CCSER2: variants seen among roughly 807,000 people sequenced by gnomAD.
CCSER2 encodes the protein coiled-coil serine rich protein 2.
A neutral mutation model predicts 92.3 loss-of-function variants in CCSER2; 46 were observed. That is an observed-to-expected ratio of 0.50 (90% CI 0.39 to 0.64). The LOEUF is 0.64. Ranked by LOEUF, CCSER2 falls within the 30% of genes least tolerant of loss-of-function variation. The pLI is 0.00. For synonymous variants in CCSER2, 433 were observed against 431.4 expected, an observed-to-expected ratio of 1.00 and a Z score of -0.04; for missense variants, 1,244 against 1,238.9, an observed-to-expected ratio of 1.00 and a Z score of -0.06.
At chr10:84,447,083 C>T (rs1317384226) in intron 6 of CCSER2, among the ~76,000 whole-genome samples, 1 of 151,008 alleles carries the variant, frequency 6.6e-6, no homozygotes, top group Non-Finnish European at 1.5e-5. Context: ...TTTCCCGGTA[C>T]AACCGTGAGA....
rs183930229 is a variant in CCSER2 at position 84,409,083 on chromosome 10, C to T, written c.1615-8688C>T. On this transcript the variant is annotated intron_variant, in intron 3 of 9. Coordinates refer to ENST00000372088, the MANE Select transcript of CCSER2 (RefSeq NM_001284240.2). ...TCGGCTCACTGCAACCTCCACCTCCCGGGTTCAAGAGATTCTCCTGCCTCA... is the reference window on the plus strand; with the variant it reads ...TCGGCTCACTGCAACCTCCACCTCCTGGGTTCAAGAGATTCTCCTGCCTCA... Among the ~76,000 whole-genome samples the T allele has an allele frequency of 8.2e-3, 1,244 of 152,104 alleles. 7 individuals are homozygous for T. Among genetic ancestry groups the T allele is most frequent in the Non-Finnish European group, 0.012 (822 of 67,966 alleles).
chr10:84,403,181 A>G (rs567572365), intron 3 of CCSER2, among the ~76,000 whole-genome samples: 1 of 40 alleles, frequency 0.025, no homozygotes, highest in East Asian at 0.5. Context: ...GATTTTTGAA[A>G]AAGGTTAGAG....
intron 9 of CCSER2, among the ~76,000 whole-genome samples, chr10:84,489,334 G>T (rs141806696): frequency 1.3e-5 from 2 of 152,256 alleles, no homozygotes; most frequent in African/African-American, 4.8e-5. Context: ...GGTTGACAGT[G>T]GGGTGTTAAA....
At chr10:84,457,287 T>TATATTATATATAATATATA (rs1845732499) in intron 6 of CCSER2, among the ~76,000 whole-genome samples, 1 of 51,316 alleles carries the variant, frequency 1.9e-5, no homozygotes, top group Non-Finnish European at 3.5e-5. Flanking sequence ...TATTATATAT[T>TATATTATATATAATATATA]ATATATTATA....
intron 1 of CCSER2, among the ~76,000 whole-genome samples, chr10:84,331,739 G>T (rs1341138832): frequency 6.6e-6 from 1 of 152,150 alleles, no homozygotes; most frequent in Non-Finnish European, 1.5e-5. Flanking sequence ...AATGGTCAAA[G>T]AAATTTTAAA....
At chr10:84,489,974 T>C (rs1184009769) in intron 9 of CCSER2, among the ~76,000 whole-genome samples, 1 of 152,182 alleles carries the variant, frequency 6.6e-6, no homozygotes, top group East Asian at 1.9e-4. Context: ...ATCTGTAAAG[T>C]ATTTTATTTC....
chr10:84,407,412 TG>T (rs1318478811), intron 3 of CCSER2, among the ~76,000 whole-genome samples: 2 of 152,246 alleles, frequency 1.3e-5, no homozygotes, highest in African/African-American at 4.8e-5. Flanking sequence ...TCCTTTTTTA[TG>T]CTATATTTTA....
chr10:84,394,487 G>A (rs578072995), intron 3 of CCSER2, among the ~76,000 whole-genome samples: 1 of 151,596 alleles, frequency 6.6e-6, no homozygotes, highest in South Asian at 2.1e-4. Context: ...AAGAATGAAT[G>A]CAAGTTTTAC....
intron 4 of CCSER2, among the ~76,000 whole-genome samples, chr10:84,420,579 A>C (rs535135403): frequency 2.9e-4 from 44 of 152,264 alleles, no homozygotes; most frequent in African/African-American, 1.0e-3. Flanking sequence ...TGTGCTTTCC[A>C]CTACAGGTTT....
At chr10:84,353,265 A>T (rs750371826) in intron 1 of CCSER2, among the ~76,000 whole-genome samples, 1 of 152,108 alleles carries the variant, frequency 6.6e-6, no homozygotes, top group African/African-American at 2.4e-5. Flanking sequence ...TGCCTCGGTC[A>T]TGGAGATCCT....
At chr10:84,353,541 C>T (rs1213670316) in intron 1 of CCSER2, among the ~76,000 whole-genome samples, 4 of 152,110 alleles carry the variant, frequency 2.6e-5, no homozygotes, top group South Asian at 2.1e-4. Flanking sequence ...TTAGTAAGAC[C>T]GAGTCCCTAC....
intron 7 of CCSER2, 130 bp downstream of exon 7, chr10:84,464,146 A>G (rs1271743982): frequency 3.7e-6 from 2 of 540,186 alleles, no homozygotes; most frequent in Non-Finnish European, 6.5e-6. Context: ...AACTTTTGCT[A>G]CTTTGTTAAG....
At chr10:84,454,418 T>G (rs6585862) in intron 6 of CCSER2, among the ~76,000 whole-genome samples, 129,972 of 152,174 alleles carry the variant, frequency 0.85, 55,582 homozygotes, top group East Asian at 0.9. Flanking sequence ...TTCTAGGGGG[T>G]ACATCATTCA....
At chr10:84,432,026 T>A (rs1843800030) in intron 5 of CCSER2, among the ~76,000 whole-genome samples, 1 of 152,182 alleles carries the variant, frequency 6.6e-6, no homozygotes, top group Non-Finnish European at 1.5e-5. Context: ...CCACCAGCAA[T>A]GAATGAGAAC....
chr10:84,431,424 A>G (rs192623439), intron 5 of CCSER2, among the ~76,000 whole-genome samples: 1 of 150,766 alleles, frequency 6.6e-6, no homozygotes, highest in African/African-American at 2.4e-5. Flanking sequence ...GTTCCTCTAT[A>G]TATTTTTGTG....
At chr10:84,348,421 C>G (rs577557171) in intron 1 of CCSER2, among the ~76,000 whole-genome samples, 5 of 151,952 alleles carry the variant, frequency 3.3e-5, no homozygotes, top group African/African-American at 1.2e-4. Context: ...AGCTTCGGCT[C>G]GGCATCAGAG....
chr10:84,330,886 C>A (rs1843528718), intron 1 of CCSER2, among the ~76,000 whole-genome samples: 1 of 152,246 alleles, frequency 6.6e-6, no homozygotes, highest in South Asian at 2.1e-4. Flanking sequence ...ATTGGTCCTA[C>A]AACTTTATTT....
At chr10:84,455,448 G>A (rs555413051) in intron 6 of CCSER2, 273 of 243,626 alleles carry the variant, frequency 1.1e-3, no homozygotes, top group African/African-American at 5.4e-3. Flanking sequence ...GCTAATTTTT[G>A]TACTTTTAGT....
At chr10:84,439,930 G>GT (rs1164567078) in intron 6 of CCSER2, among the ~76,000 whole-genome samples, 3 of 152,154 alleles carry the variant, frequency 2.0e-5, no homozygotes, top group Non-Finnish European at 2.9e-5. Flanking sequence ...AAGGGAAGAG[G>GT]TGGTAGGGAA....
Sources: allele counts gnomAD v4.1 joint callset (sites outside exome capture counted in the v4.1 genomes callset), GRCh38; gene constraint gnomAD v4.1.1; transcripts MANE v1.5; gene names NCBI Gene and HGNC (gene_info 2026-07-23, HGNC 2026-07-21).